Variants in COBLL1 observed in about 807,000 individuals in gnomAD.
COBLL1 encodes the protein cordon-bleu protein-like 1.
Under a neutral mutation model 94.8 loss-of-function variants are expected in COBLL1, and 50 were observed. The ratio of observed to expected loss-of-function variants is 0.53; its 90% CI spans 0.42 to 0.67. COBLL1 has a LOEUF of 0.67. COBLL1 is among the 30% of genes least tolerant of loss of function. COBLL1 has a pLI of 0.00. For synonymous variants in COBLL1, 448 were observed against 473.8 expected, an observed-to-expected ratio of 0.95 and a Z score of 0.71; for missense variants, 1,362 against 1,348.7, an observed-to-expected ratio of 1.01 and a Z score of -0.15.
At chr2:164,773,416 A>T (rs1019519578) in intron 2 of COBLL1, among the ~76,000 whole-genome samples, 10 of 152,292 alleles carry the variant, frequency 6.6e-5, no homozygotes, top group Non-Finnish European at 1.5e-4. Flanking sequence ...TGGATTAAGC[A>T]TTACATTTAA....
At position 164,704,445 on chromosome 2, in the gene COBLL1, T is replaced by C. The variant is rs1339260370; in HGVS notation, c.1224A>G (p.Pro408=). The change falls in exon 9 of 14, where the codon CCA becomes CCG. Residue 408 remains proline (P), a splice_region_variant and synonymous_variant. Transcript: ENST00000652658. ...CCATGTAGAATAAGGGTGTCATACC[T>C]GGGCTGGATAGCTCCTCAGGAGAGT... ...EANSPEELSS[P]AGISSDYSLE... is the part of the protein sequence containing the mutation. The C allele has an allele frequency of 6.2e-7, 1 of 1,604,520 alleles. No individual in the cohort carries two copies. The highest frequency in any genetic ancestry group is 2.2e-5 in the East Asian group (1 of 44,816).
intron 7 of COBLL1, among the ~76,000 whole-genome samples, chr2:164,720,322 G>A (rs1001845333): frequency 9.9e-5 from 15 of 152,000 alleles, no homozygotes; most frequent in African/African-American, 3.6e-4. Flanking sequence ...ACTGGTCACA[G>A]AGCAGAGGGA....
In COBLL1 at chr2:164,661,437, CTTTG is replaced by C. The variant is rs533699122; in HGVS notation, n.181+4406_181+4409del. On this transcript the variant is annotated intron_variant and non_coding_transcript_variant, in intron 2 of 2. Transcript: ENST00000495084. ...ATAGTTATGTAAGAATAGTATTTTA[CTTTG>C]TTTATAGAGCAATTTATCATAGAAA... Among the ~76,000 whole-genome samples the C allele has an allele frequency of 3.3e-3, 499 of 152,152 alleles. 4 individuals are homozygous for C. Among genetic ancestry groups the C allele is most frequent in the African/African-American group, 0.012 (481 of 41,540 alleles).
At chr2:164,839,912 G>C (rs565218603) in intron 2 of COBLL1, among the ~76,000 whole-genome samples, 1 of 152,320 alleles carries the variant, frequency 6.6e-6, no homozygotes, top group African/African-American at 2.4e-5. Flanking sequence ...TTGCAGAAAG[G>C]AGAAAGTTAA....
chr2:164,718,088 T>C (rs1685263967), intron 7 of COBLL1: 1 of 193,816 alleles, frequency 5.2e-6, no homozygotes, highest in Non-Finnish European at 9.4e-6. Context: ...TTACCAGATA[T>C]ATGAATGACA....
At chr2:164,780,042 T>G (rs1368043290) in intron 2 of COBLL1, among the ~76,000 whole-genome samples, 2 of 152,218 alleles carry the variant, frequency 1.3e-5, no homozygotes, top group East Asian at 3.8e-4. Flanking sequence ...CACTCTGCTA[T>G]CCTACAATTC....
chr2:164,741,739 G>A (rs1246228293), intron 3 of COBLL1, among the ~76,000 whole-genome samples: 1 of 152,126 alleles, frequency 6.6e-6, no homozygotes, highest in Non-Finnish European at 1.5e-5. Flanking sequence ...ATGCTGGAGG[G>A]AGGGTGGGAA....
rs1317429263 is a variant in COBLL1, at chr2:164,671,866, G to A, written n.127-5965C>T. 2.0e-5 allele frequency among the ~76,000 whole-genome samples: 3 copies of A among 152,074 alleles called. No individual in the cohort carries two copies. In the East Asian group the frequency reaches 5.8e-4, roughly 29 times the overall value. ...TCTCAATTCTCACCAGTTTCAATCA[G>A]ATACAGCTGCCTCTAGTTTCATTCT... On this transcript the variant is annotated intron_variant and non_coding_transcript_variant, in intron 1 of 2. Coordinates refer to the COBLL1 transcript ENST00000495084.
chr2:164,836,224 T>G (rs1001525005), intron 2 of COBLL1, among the ~76,000 whole-genome samples: 5 of 152,124 alleles, frequency 3.3e-5, no homozygotes, highest in African/African-American at 1.2e-4. Flanking sequence ...TGTCATATGA[T>G]GAAAAAAACT....
chr2:164,828,264 T>C (rs1463884676), intron 2 of COBLL1, among the ~76,000 whole-genome samples: 1 of 152,160 alleles, frequency 6.6e-6, no homozygotes, highest in African/African-American at 2.4e-5. Context: ...TAGGTATATG[T>C]GGAAATGATA....
chr2:164,815,209 G>A (rs113398320), intron 2 of COBLL1, among the ~76,000 whole-genome samples: 80 of 152,136 alleles, frequency 5.3e-4, no homozygotes, highest in African/African-American at 1.7e-3. Context: ...AGACCAGCCT[G>A]GCCAATGTGG....
At chr2:164,777,885 AAAGACAT>A (rs1688546536) in intron 2 of COBLL1, among the ~76,000 whole-genome samples, 1 of 152,200 alleles carries the variant, frequency 6.6e-6, no homozygotes, top group African/African-American at 2.4e-5. Flanking sequence ...CAGTTTTTCA[AAAGACAT>A]AAGAACTCTG....
At chr2:164,775,287 T>C (rs1355284610) in intron 2 of COBLL1, among the ~76,000 whole-genome samples, 3 of 152,156 alleles carry the variant, frequency 2.0e-5, no homozygotes, top group Non-Finnish European at 4.4e-5. Flanking sequence ...ATGCCCCTCA[T>C]GCTGCTCCAG....
chr2:164,753,351 C>T (rs55790532), intron 2 of COBLL1, among the ~76,000 whole-genome samples: 2,124 of 152,232 alleles, frequency 0.014, 40 homozygotes, highest in African/African-American at 0.048. Flanking sequence ...CTTTCTGCCC[C>T]CATAGCACCT....
intron 7 of COBLL1, among the ~76,000 whole-genome samples, chr2:164,714,706 T>A (rs1685077787): frequency 6.6e-6 from 1 of 152,142 alleles, no homozygotes; most frequent in Admixed American, 6.5e-5. Context: ...CCCTGGCCTC[T>A]GTTAACACAT....
chr2:164,775,699 C>G (rs1240628850), intron 2 of COBLL1, among the ~76,000 whole-genome samples: 1 of 152,170 alleles, frequency 6.6e-6, no homozygotes, highest in Non-Finnish European at 1.5e-5. Context: ...AGTGATCTGC[C>G]AGCCTTGGCC....
At chr2:164,730,333 T>TAAA (rs111508553) in intron 3 of COBLL1, among the ~76,000 whole-genome samples, 104 of 143,702 alleles carry the variant, frequency 7.2e-4, no homozygotes, top group Admixed American at 4.2e-3. Flanking sequence ...CTACAAAAAA[T>TAAA]AAAAAAAAAA....
intron 2 of COBLL1, among the ~76,000 whole-genome samples, chr2:164,811,240 C>A (rs565381254): frequency 2.4e-4 from 36 of 151,936 alleles, no homozygotes; most frequent in East Asian, 9.7e-4. Context: ...AATTTAAAAT[C>A]TTTCAGTATC....
chr2:164,840,224 C>T (rs1160062781), intron 2 of COBLL1, among the ~76,000 whole-genome samples: 2 of 151,514 alleles, frequency 1.3e-5, no homozygotes, highest in Admixed American at 1.3e-4. Flanking sequence ...CTCGTATTCT[C>T]ATTAGGGCAT....
Sources: allele counts gnomAD v4.1 joint callset (sites outside exome capture counted in the v4.1 genomes callset), GRCh38; gene constraint gnomAD v4.1.1; transcripts MANE v1.5; gene names NCBI Gene and HGNC (gene_info 2026-07-23, HGNC 2026-07-21).